Variants in ADAM19 observed in about 807,000 individuals in gnomAD.
ADAM19 encodes disintegrin and metalloproteinase domain-containing protein 19.
A neutral mutation model predicts 114.7 loss-of-function variants in ADAM19; 65 were observed. The ratio of observed to expected loss-of-function variants is 0.57; its 90% CI spans 0.46 to 0.70. The LOEUF (loss-of-function observed/expected upper bound fraction) is 0.70, where lower values mean the gene tolerates loss of function less well. ADAM19 is among the 30% of genes least tolerant of loss of function. ADAM19 has a pLI of 0.00. For synonymous variants in ADAM19, 466 were observed against 460.5 expected, an observed-to-expected ratio of 1.01 and a Z score of -0.15; for missense variants, 1,063 against 1,204.7, an observed-to-expected ratio of 0.88 and a Z score of 1.74.
chr5:157,496,438 A>C (rs1755366055), intron 14 of ADAM19, among the ~76,000 whole-genome samples: 1 of 152,138 alleles, frequency 6.6e-6, no homozygotes, highest in Non-Finnish European at 1.5e-5. Context: ...CATAGTGGTT[A>C]TATCTACCTG....
Position 157,477,317 on chromosome 5 carries a change from G to A in ADAM19, c.*3632C>T. ...TGCCAAACCAGATAACATTGCAAAT[G>A]ACAAACAATTCATTTTTAATTAAAT... On this transcript the variant is annotated 3_prime_UTR_variant, in exon 23 of 23. Coordinates refer to ENST00000257527, the MANE Select transcript of ADAM19 (RefSeq NM_033274.5). The A allele has an allele frequency of 1.0e-6, 1 of 1,000,572 alleles. No homozygotes were observed. The highest frequency in any genetic ancestry group is 1.2e-6 in the Non-Finnish European group (1 of 838,124). The allele number at this position is 1,000,572 out of a possible 1,614,324, so 62.0% of individuals were successfully genotyped here.
At chr5:157,529,815 C>G (rs946342614) in intron 5 of ADAM19, among the ~76,000 whole-genome samples, 3 of 152,206 alleles carry the variant, frequency 2.0e-5, no homozygotes, top group Non-Finnish European at 2.9e-5. Flanking sequence ...GCTACCAGCT[C>G]AAAGCCAGGT....
At chr5:157,557,886 T>C (rs952054047) in intron 3 of ADAM19, among the ~76,000 whole-genome samples, 14 of 152,114 alleles carry the variant, frequency 9.2e-5, no homozygotes, top group African/African-American at 3.4e-4. Flanking sequence ...AACATAAGAA[T>C]TTGAAGGGAG....
In ADAM19 at chr5:157,480,972, C is replaced by T. The variant is rs140863189; in HGVS notation, c.2734G>A (p.Gly912Arg). The T allele has an allele frequency of 6.2e-7, 1 of 1,614,046 alleles. No individual in the cohort carries two copies. The highest frequency in any genetic ancestry group is 8.5e-7 in the Non-Finnish European group (1 of 1,180,034). Residue 912 changes from glycine to arginine, a missense_variant, in exon 23 of 23, where the codon GGG becomes AGG. Coordinates refer to ENST00000257527, the MANE Select transcript of ADAM19 (RefSeq NM_033274.5). ...FPEYRSQRAG[G>R]MISSKI ...GTCTAGATTTTCGAGCTAATCATCC[C>T]TCCAGCCCTCTGTGATCTGTATTCT...
rs1290989413 is a variant in ADAM19 at position 157,477,777 on chromosome 5, T to C, written c.*3172A>G. 9.5e-6 allele frequency: 12 copies of C among 1,267,708 alleles called. No homozygotes were observed. The highest frequency in any genetic ancestry group is 2.1e-4 in the Middle Eastern group (1 of 4,678). The allele number at this position is 1,267,708 out of a possible 1,614,324, so 78.5% of individuals were successfully genotyped here. A position where few individuals can be genotyped will look rare whatever the true frequency, so the allele number is the denominator to read the frequency against. On this transcript the variant is annotated 3_prime_UTR_variant, in exon 23 of 23. Transcript: ENST00000257527. ...AATTAGGAAGTAGGCAGGGAGAGACTTCCAATAAAGATTGGAAAGGCGTAT... is the reference window on the plus strand; with the variant it reads ...AATTAGGAAGTAGGCAGGGAGAGACCTCCAATAAAGATTGGAAAGGCGTAT...
At chr5:157,559,385 C>G (rs914227073) in intron 3 of ADAM19, among the ~76,000 whole-genome samples, 3 of 152,216 alleles carry the variant, frequency 2.0e-5, no homozygotes, top group Non-Finnish European at 4.4e-5. Context: ...GCCAAAGAGC[C>G]TCTGGGCAAA....
chr5:157,521,184 T>C (rs559065574), intron 5 of ADAM19, among the ~76,000 whole-genome samples: 9 of 152,330 alleles, frequency 5.9e-5, no homozygotes, highest in Non-Finnish European at 1.3e-4. Context: ...TGACTTATTA[T>C]CAATTGCTAT....
intron 18 of ADAM19, 39 bp from the exon 19 acceptor site, chr5:157,490,493 G>C: frequency 6.2e-7 from 1 of 1,606,178 alleles, no homozygotes; most frequent in Non-Finnish European, 8.5e-7. Context: ...TTTAGAAGCT[G>C]TCTCGGCTAC....
rs867306405 is a variant in ADAM19 at position 157,556,225 on chromosome 5, T to C, written c.251+8148A>G. On this transcript the variant is annotated intron_variant, in intron 3 of 22. Coordinates refer to ENST00000257527, the MANE Select transcript of ADAM19 (RefSeq NM_033274.5). ...TTTCTTTTTCTTTTTTTTTTTTTTTTTTTTTTTTTTTGAGATGGGGTCTCA... is the reference window on the plus strand; with the variant it reads ...TTTCTTTTTCTTTTTTTTTTTTTTTCTTTTTTTTTTTGAGATGGGGTCTCA... Among the ~76,000 whole-genome samples the C allele has an allele frequency of 8.4e-3, 1,148 of 137,318 alleles. 23 individuals are homozygous for C. Among genetic ancestry groups the C allele is most frequent in the African/African-American group, 0.03 (1,101 of 37,026 alleles). 90.1% of individuals were successfully genotyped at this position (137,318 alleles called of 152,430 possible). A position where few individuals can be genotyped will look rare whatever the true frequency, so the allele number is the denominator to read the frequency against.
chr5:157,506,502 G>T (rs1162820249), intron 10 of ADAM19, among the ~76,000 whole-genome samples: 1 of 152,192 alleles, frequency 6.6e-6, no homozygotes, highest in African/African-American at 2.4e-5. Context: ...TAGAGCCTGT[G>T]GTTTTGGCCA....
intron 11 of ADAM19, 75 bp from the exon 12 acceptor site, chr5:157,503,055 A>C (rs1581306895): frequency 7.0e-7 from 1 of 1,419,892 alleles, no homozygotes; most frequent in Non-Finnish European, 9.7e-7. Context: ...TCGTGCTGTC[A>C]CTCCTGCTAC....
At chr5:157,551,350 G>A (rs966760123) in intron 3 of ADAM19, among the ~76,000 whole-genome samples, 1 of 146,578 alleles carries the variant, frequency 6.8e-6, no homozygotes, top group Non-Finnish European at 1.5e-5. Flanking sequence ...GCTGCAATGA[G>A]CTGAGATTGC....
rs1235250035 is a variant in ADAM19 at position 157,479,244 on chromosome 5, TC to T, written c.*1704del. 12 of 985,864 alleles carry T rather than the reference TC, an allele frequency of 1.2e-5. No individual in the cohort carries two copies. The African/African-American group carries it at 1.2e-4, about 10-fold the overall frequency. 61.1% of individuals were successfully genotyped at this position (985,864 alleles called of 1,614,324 possible). A position where few individuals can be genotyped will look rare whatever the true frequency, so the allele number is the denominator to read the frequency against. On this transcript the variant is annotated 3_prime_UTR_variant, in exon 23 of 23. Transcript: ENST00000257527. ...CCCAGGCTTTTCCCCCAGGGGTACA[TC>T]CCGTATTTTCCACTTATTTCCAAAC...
intron 5 of ADAM19, among the ~76,000 whole-genome samples, chr5:157,524,310 C>A (rs1756391948): frequency 1.3e-5 from 2 of 152,388 alleles, no homozygotes; most frequent in South Asian, 4.1e-4. Context: ...GGGTGGCCAG[C>A]CTCACATGCC....
Position 157,491,604 on chromosome 5 carries a change from C to A in ADAM19, c.2095+11G>T. ...AAAAGCGGGCAGTGGCCCCAGCAGG[C>A]TGGCACTCACTCTCAGGGGGCATAG... is the stretch of plus-strand genomic sequence containing the variant. On this transcript the variant is annotated intron_variant, in intron 18 of 22. Coordinates refer to ENST00000257527, the MANE Select transcript of ADAM19 (RefSeq NM_033274.5). 6.8e-7 allele frequency: 1 copy of A among 1,481,184 alleles called. No homozygotes were observed. Among genetic ancestry groups the A allele is most frequent in the East Asian group, 2.4e-5 (1 of 42,314 alleles). 91.8% of individuals were successfully genotyped at this position (1,481,184 alleles called of 1,614,324 possible). A position where few individuals can be genotyped will look rare whatever the true frequency, so the allele number is the denominator to read the frequency against.
intron 9 of ADAM19, among the ~76,000 whole-genome samples, chr5:157,507,578 T>C (rs1258308896): frequency 6.6e-6 from 1 of 152,144 alleles, no homozygotes; most frequent in East Asian, 1.9e-4. Context: ...CCTGGCTCTG[T>C]GGTGTGAGTC....
rs149656191 is a variant in ADAM19 at position 157,480,866 on chromosome 5, C to G, written c.*83G>C. The G allele has an allele frequency of 4.7e-5, 75 of 1,602,706 alleles. No individual in the cohort carries two copies. The African/African-American group carries it at 8.3e-4, about 18-fold the overall frequency. On this transcript the variant is annotated 3_prime_UTR_variant, in exon 23 of 23. Coordinates refer to ENST00000257527, the MANE Select transcript of ADAM19 (RefSeq NM_033274.5). ...TGGGAGGAGCTCAGAGGCGGCCAGA[C>G]ATGCTTCTTCAGGGTTCCATGGCCA...
Position 157,479,072 on chromosome 5 carries a change from G to C in ADAM19, c.*1877C>G, listed in dbSNP as rs565560795. ...AGAGGGTAGCACATTTAAATAAAAG[G>C]TTGGGCCACAGGAAAGGTGGGGAAT... On this transcript the variant is annotated 3_prime_UTR_variant, in exon 23 of 23. Transcript: ENST00000257527. 2 of 985,800 alleles carry C rather than the reference G, an allele frequency of 2.0e-6. No individual in the cohort carries two copies. Among genetic ancestry groups the C allele is most frequent in the Non-Finnish European group, 2.4e-6 (2 of 829,938 alleles). 61.1% of individuals were successfully genotyped at this position (985,800 alleles called of 1,614,324 possible).
chr5:157,534,139 T>A (rs1354432674), intron 4 of ADAM19, among the ~76,000 whole-genome samples: 1 of 152,008 alleles, frequency 6.6e-6, no homozygotes, highest in African/African-American at 2.4e-5. Context: ...ACATACACTA[T>A]CTCTTGTGAT....
Sources: gnomAD v4.1 joint callset for allele counts (sites outside exome capture counted in the v4.1 genomes callset) on GRCh38, gnomAD v4.1.1 for gene constraint, MANE v1.5 for transcripts, NCBI Gene and HGNC (gene_info 2026-07-23, HGNC 2026-07-21) for gene names.